BTRC: variants seen among roughly 807,000 people sequenced by gnomAD.
BTRC encodes F-box/WD repeat-containing protein 1A.
A neutral mutation model predicts 85.5 loss-of-function variants in BTRC; 42 were observed. The ratio of observed to expected loss-of-function variants is 0.49; its 90% CI spans 0.38 to 0.64. The LOEUF (loss-of-function observed/expected upper bound fraction) is 0.64. Among genes scored for constraint, BTRC ranks in the 30% least tolerant of loss-of-function variants. The pLI, the probability that BTRC is intolerant of heterozygous loss-of-function variation, is 0.00. For synonymous variants in BTRC, 255 were observed against 263.3 expected, an observed-to-expected ratio of 0.97 and a Z score of 0.30; for missense variants, 594 against 743.5, an observed-to-expected ratio of 0.80 and a Z score of 2.34.
At chr10:101,387,528 C>CTTTTTTTTTTTT (rs535656002) in intron 1 of BTRC, among the ~76,000 whole-genome samples, 1,143 of 44,970 alleles carry the variant, frequency 0.025, 260 homozygotes, top group Non-Finnish European at 0.033. Flanking sequence ...CTTCATGGGA[C>CTTTTTTTTTTTT]TTTTTTTTTT....
chr10:101,373,408 A>G (rs1942695683), intron 1 of BTRC, among the ~76,000 whole-genome samples: 1 of 152,198 alleles, frequency 6.6e-6, no homozygotes, highest in Non-Finnish European at 1.5e-5. Context: ...ATTCAAGGAT[A>G]TTCTGGAGAC....
At chr10:101,388,033 A>G (rs1462052958) in intron 1 of BTRC, among the ~76,000 whole-genome samples, 2 of 152,158 alleles carry the variant, frequency 1.3e-5, no homozygotes, top group Admixed American at 6.5e-5. Context: ...AAAAGCAACA[A>G]ATATCTAAAG....
At chr10:101,524,509 G>A (rs2062162605) in intron 5 of BTRC, among the ~76,000 whole-genome samples, 1 of 152,016 alleles carries the variant, frequency 6.6e-6, no homozygotes, top group Non-Finnish European at 1.5e-5. Flanking sequence ...ATACCATCTG[G>A]CTATGTTTAG....
rs1304300794 is a variant in BTRC at position 101,476,671 on chromosome 10, C to T, written c.235-2697C>T. Among the ~76,000 whole-genome samples the T allele has an allele frequency of 3.3e-5, 5 of 151,762 alleles. No individual in the cohort carries two copies. The East Asian group carries it at 5.8e-4, about 18-fold the overall frequency. On this transcript the variant is annotated intron_variant, in intron 3 of 14. Transcript: ENST00000370187. ...GAAATGTGGGCTTGTATGGAACTCC[C>T]GGTTTCAAGTAGCCCTCCTGCCTCT...
intron 1 of BTRC, among the ~76,000 whole-genome samples, chr10:101,421,583 A>G (rs1944101152): frequency 6.7e-6 from 1 of 149,920 alleles, no homozygotes; most frequent in African/African-American, 2.4e-5. Flanking sequence ...CGTCATTTAC[A>G]TTAGGTATAT....
intron 1 of BTRC, among the ~76,000 whole-genome samples, chr10:101,376,776 AG>A (rs1385299522): frequency 6.6e-6 from 1 of 152,056 alleles, no homozygotes; most frequent in Non-Finnish European, 1.5e-5. Flanking sequence ...TCATAGGGTA[AG>A]GTGGTGGTGG....
chr10:101,384,321 C>T (rs574251896), intron 1 of BTRC, among the ~76,000 whole-genome samples: 203 of 152,320 alleles, frequency 1.3e-3, no homozygotes, highest in African/African-American at 4.6e-3. Flanking sequence ...TTAATATTTG[C>T]TTCCCAGGCT....
intron 2 of BTRC, among the ~76,000 whole-genome samples, chr10:101,460,129 G>A (rs1056588347): frequency 8.5e-5 from 13 of 152,058 alleles, no homozygotes; most frequent in Non-Finnish European, 1.9e-4. Flanking sequence ...ACCTGAAAGA[G>A]AGTTACTTGC....
chr10:101,464,686 A>G (rs1177055809), intron 3 of BTRC, among the ~76,000 whole-genome samples: 6 of 152,180 alleles, frequency 3.9e-5, no homozygotes, highest in Non-Finnish European at 7.3e-5. Context: ...TGTGAAGAGC[A>G]TGAACTCAAT....
intron 5 of BTRC, 62 bp from the exon 6 acceptor site, chr10:101,525,951 T>C (rs1589597352): frequency 6.6e-7 from 1 of 1,512,264 alleles, no homozygotes; most frequent in East Asian, 2.3e-5. Context: ...AAAGGACCTT[T>C]TGTAAAAAAT....
Position 101,393,992 on chromosome 10 carries a change from G to A in BTRC, c.49-36353G>A, listed in dbSNP as rs989301020. ...CTGTAGAGCATGTCCCTCTAAAACT[G>A]AGTGTATAATTGAGTCTGTACCTAG... On this transcript the variant is annotated intron_variant, in intron 1 of 14. Transcript: ENST00000370187. Among the ~76,000 whole-genome samples the A allele has an allele frequency of 2.6e-5, 4 of 152,240 alleles. No homozygotes were observed. The East Asian group carries it at 7.7e-4, about 29-fold the overall frequency.
intron 2 of BTRC, among the ~76,000 whole-genome samples, chr10:101,460,289 CT>C (rs1490758130): frequency 1.3e-5 from 2 of 151,904 alleles, no homozygotes; most frequent in African/African-American, 4.8e-5. Context: ...TGACCTTTCC[CT>C]TTCTTTGTTT....
intron 1 of BTRC, among the ~76,000 whole-genome samples, chr10:101,405,851 C>G (rs762350938): frequency 6.6e-6 from 1 of 152,074 alleles, no homozygotes; most frequent in African/African-American, 2.4e-5. Context: ...CCTTCATGGC[C>G]CATCTTAAGG....
intron 4 of BTRC, among the ~76,000 whole-genome samples, chr10:101,519,689 C>A (rs1245005472): frequency 6.6e-6 from 1 of 152,160 alleles, no homozygotes; most frequent in Non-Finnish European, 1.5e-5. Flanking sequence ...TATGTGTACA[C>A]CAGGGGCCAA....
rs1243076323 is a variant in BTRC at position 101,534,879 on chromosome 10, T to C, written c.1316T>C (p.Ile439Thr). ...VNVVDFDDKY[I>T]VSASGDRTIK... Reference sequence around the variant, plus strand: ...GTTGTAGACTTTGATGACAAGTACATTGTTTCTGCATCTGGGGATAGAACT... The same window carrying C: ...GTTGTAGACTTTGATGACAAGTACACTGTTTCTGCATCTGGGGATAGAACT... The change falls in exon 10 of 15, where the codon ATT becomes ACT. Residue 439 changes from isoleucine (I) to threonine (T), a missense_variant. By Grantham distance (89) the Ile-to-Thr change is moderately conservative. Transcript: ENST00000370187. 6.2e-7 allele frequency: 1 copy of C among 1,614,182 alleles called. No homozygotes were observed. The highest frequency in any genetic ancestry group is 1.7e-5 in the Admixed American group (1 of 60,022).
In BTRC at chr10:101,358,409, A is replaced by G. The variant is rs572088800; in HGVS notation, c.48+4181A>G. Among the ~76,000 whole-genome samples, 22 of 152,244 alleles carry G rather than the reference A, an allele frequency of 1.4e-4. No individual in the cohort carries two copies. The South Asian group carries it at 4.6e-3, about 32-fold the overall frequency. The stretch of plus-strand genomic sequence containing the variant: ...TGAGCCACCTTGCCAAGCCACGTTT[A>G]TTTTTAAAAACAGGATAAATATATT... On this transcript the variant is annotated intron_variant, in intron 1 of 14. Coordinates refer to ENST00000370187, the MANE Select transcript of BTRC (RefSeq NM_033637.4).
At chr10:101,484,066 A>G (rs1226891976) in intron 4 of BTRC, among the ~76,000 whole-genome samples, 1 of 152,226 alleles carries the variant, frequency 6.6e-6, no homozygotes, top group African/African-American at 2.4e-5. Context: ...GGCCCAGATA[A>G]GAGAAGTTTT....
rs2062719427 is a variant in BTRC at position 101,556,003 on chromosome 10, A to G, written c.*2880A>G. On this transcript the variant is annotated 3_prime_UTR_variant, in exon 15 of 15. Coordinates refer to ENST00000370187, the MANE Select transcript of BTRC (RefSeq NM_033637.4). The stretch of plus-strand genomic sequence containing the variant: ...TCCTTTAACTTGGTGTGCAATTTGA[A>G]AGGATGTGAATCATGGATGGAAGGC... 6.6e-6 allele frequency: 1 copy of G among 152,180 alleles called. No individual in the cohort carries two copies. Among genetic ancestry groups the G allele is most frequent in the South Asian group, 2.1e-4 (1 of 4,822 alleles). 9.4% of individuals were successfully genotyped at this position (152,180 alleles called of 1,614,324 possible).
At chr10:101,362,488 C>T (rs577634740) in intron 1 of BTRC, among the ~76,000 whole-genome samples, 1 of 151,954 alleles carries the variant, frequency 6.6e-6, no homozygotes, top group South Asian at 2.1e-4. Flanking sequence ...CTCCGCCTCC[C>T]GGGTTCAAGC....
Sources: allele counts gnomAD v4.1 joint callset (sites outside exome capture counted in the v4.1 genomes callset), GRCh38; gene constraint gnomAD v4.1.1; transcripts MANE v1.5; gene names NCBI Gene and HGNC (gene_info 2026-07-23, HGNC 2026-07-21).